SYNE1: variants seen among roughly 807,000 people sequenced by gnomAD.
SYNE1 encodes the protein nesprin-1.
Under a neutral mutation model 1,111.0 loss-of-function variants are expected in SYNE1, and 616 were observed. The observed-to-expected ratio is 0.55, with a 90% CI of 0.52 to 0.59. The LOEUF (loss-of-function observed/expected upper bound fraction) is 0.59. SYNE1 is among the 20% of genes least tolerant of loss of function. The probability of loss-of-function intolerance (pLI) is 0.00; values close to 1 mark genes in which losing one functional copy is unlikely to be tolerated. For synonymous variants in SYNE1, 3,855 were observed against 3,825.8 expected (o/e 1.01, Z -0.28); for missense variants, 10,006 against 10,417.0 (o/e 0.96, Z 1.72).
At chr6:152,140,811 A>T (rs1771779903) in intron 139 of SYNE1, among the ~76,000 whole-genome samples, 1 of 152,126 alleles carries the variant, frequency 6.6e-6, no homozygotes, top group Non-Finnish European at 1.5e-5. Context: ...AGGCGGGTGG[A>T]TCACGAGGTC....
intron 25 of SYNE1, among the ~76,000 whole-genome samples, chr6:152,451,816 T>C (rs1235619430): frequency 6.6e-6 from 1 of 152,030 alleles, no homozygotes; most frequent in Non-Finnish European, 1.5e-5. Context: ...ATTTTACAGA[T>C]TACATCATTA....
At position 152,148,023 on chromosome 6, in the gene SYNE1, A is replaced by G; in HGVS notation, c.24976+22T>C. The G allele has an allele frequency of 6.2e-7, 1 of 1,609,078 alleles. No individual in the cohort carries two copies. The highest frequency in any genetic ancestry group is 8.5e-7 in the Non-Finnish European group (1 of 1,176,476). On this transcript the variant is annotated intron_variant, in intron 137 of 145. Coordinates refer to ENST00000367255, the MANE Select transcript of SYNE1 (RefSeq NM_182961.4). The surrounding 1 kb of genome is among the most constrained non-coding windows in gnomAD (Gnocchi z 4.1). ...CCTCTGACTTTCCTTTAAGCTGGCA[A>G]ACTGGAGAGGCTCTTTCCTACCTGA...
intron 101 of SYNE1, among the ~76,000 whole-genome samples, chr6:152,257,503 C>T (rs887615091): frequency 4.6e-5 from 7 of 152,084 alleles, no homozygotes; most frequent in African/African-American, 1.4e-4. Context: ...TGCACTCCAG[C>T]GTGGGCAAAA....
intron 103 of SYNE1, 89 bp downstream of exon 103, chr6:152,255,502 C>T: frequency 1.4e-6 from 2 of 1,439,174 alleles, no homozygotes; most frequent in Non-Finnish European, 2.0e-6. Flanking sequence ...TTATGTTTGA[C>T]TTTCTTTATG....
chr6:152,604,955 A>C, intron 3 of SYNE1, among the ~76,000 whole-genome samples: 1 of 15,202 alleles, frequency 6.6e-5, no homozygotes, highest in East Asian at 2.7e-3. Flanking sequence ...AAAGAAAGAA[A>C]GAAAGAAAGA....
intron 39 of SYNE1, among the ~76,000 whole-genome samples, chr6:152,420,824 T>A (rs982994813): frequency 6.6e-6 from 1 of 152,164 alleles, no homozygotes; most frequent in Non-Finnish European, 1.5e-5. Flanking sequence ...CTTTGAATTG[T>A]CTATAGCTTA....
Position 152,605,064 on chromosome 6 carries a change from G to GGGAA in SYNE1, c.67+23200_67+23201insTTCC, listed in dbSNP as rs2099610661. ...AGGGAGGGAGGGAGGGAGGGAGGGA[G>GGGAA]GGAGGGAGGAAAGAAGGAAGGAAGG... On this transcript the variant is annotated intron_variant, in intron 3 of 145. Transcript: ENST00000367255. Among the ~76,000 whole-genome samples, 8 of 67,380 alleles carry GGGAA rather than the reference G, an allele frequency of 1.2e-4. No homozygotes were observed. The South Asian group carries it at 2.2e-3, about 18-fold the overall frequency. 44.2% of individuals were successfully genotyped at this position (67,380 alleles called of 152,430 possible).
intron 4 of SYNE1, among the ~76,000 whole-genome samples, chr6:152,528,353 G>A (rs2178010): frequency 0.27 from 41,159 of 152,000 alleles, 6,458 homozygotes; most frequent in East Asian, 0.45. Context: ...AGCCAATAAA[G>A]AGACTTTATT....
intron 127 of SYNE1, among the ~76,000 whole-genome samples, chr6:152,199,160 CTCA>C (rs767559123): frequency 1.1e-4 from 16 of 151,860 alleles, no homozygotes; most frequent in Admixed American, 1.0e-3. Flanking sequence ...CTGCCATCTA[CTCA>C]TCATTTTATT....
chr6:152,508,711 G>A (rs766793937), intron 8 of SYNE1, among the ~76,000 whole-genome samples: 8 of 152,170 alleles, frequency 5.3e-5, no homozygotes, highest in Non-Finnish European at 1.0e-4. Context: ...CACTGTGGAT[G>A]CAATTAAACA....
chr6:152,410,533 G>A (rs1015895936), intron 42 of SYNE1: 5 of 152,158 alleles, frequency 3.3e-5, no homozygotes, highest in African/African-American at 1.2e-4. Context: ...CCAGGAGTTC[G>A]AGACCAGCCT....
chr6:152,436,130 G>A (rs2098471954), intron 32 of SYNE1, 29 bp from the exon 33 acceptor site: 1 of 1,610,732 alleles, frequency 6.2e-7, no homozygotes, highest in Non-Finnish European at 8.5e-7. Context: ...TCATTAGGTA[G>A]GCACTTTATA....
At chr6:152,324,113 G>C (rs1011318486) in intron 81 of SYNE1, among the ~76,000 whole-genome samples, 1 of 152,166 alleles carries the variant, frequency 6.6e-6, no homozygotes, top group South Asian at 2.1e-4. Flanking sequence ...GATGGAAAAA[G>C]CTGCCAGGCA....
chr6:152,219,104 C>A lies in SYNE1; in HGVS notation c.21943G>T (p.Asp7315Tyr). The A allele has an allele frequency of 6.2e-7, 1 of 1,614,082 alleles. No homozygotes were observed. The highest frequency in any genetic ancestry group is 8.5e-7 in the Non-Finnish European group (1 of 1,179,986). The change falls in exon 120 of 146, where the codon GAT becomes TAT. Residue 7315 changes from aspartate (D) to tyrosine (Y), a missense_variant. Physicochemically the swap from Asp to Tyr is radical, Grantham distance 160. Coordinates refer to ENST00000367255, the MANE Select transcript of SYNE1 (RefSeq NM_182961.4). ...TGAATAGCTGATGCTGCGGAAGCAT[C>A]CACTTGTTGCTTCAGTTGCTCTCCC... ...ELGEQLKQQV[D>Y]ASAASAIQSD...
intron 96 of SYNE1, 165 bp from the exon 97 acceptor site, chr6:152,282,145 T>C: frequency 1.5e-6 from 1 of 689,016 alleles, no homozygotes; most frequent in African/African-American, 1.8e-5. Context: ...CAATCAGAAT[T>C]TCTAGGGGTG....
At chr6:152,355,282 T>A (rs536534724) in intron 66 of SYNE1, among the ~76,000 whole-genome samples, 1 of 152,190 alleles carries the variant, frequency 6.6e-6, no homozygotes, top group Non-Finnish European at 1.5e-5. Flanking sequence ...TAAAGGGCTA[T>A]TGTTTAAAAG....
At chr6:152,215,114 T>TG in intron 121 of SYNE1, 54 bp from the exon 122 acceptor site, 1 of 1,598,680 alleles carries the variant, frequency 6.3e-7, no homozygotes, top group Non-Finnish European at 8.6e-7. Context: ...AAGTCAAAAC[T>TG]TTTTCAAAGT....
Position 152,148,708 on chromosome 6 carries a change from A to G in SYNE1, c.24643-330T>C, listed in dbSNP as rs1179791618. ...GAGTGGGAAAAAATTAAAAAGTCTTATAAATTATCCTACATAAGCCTCAGT... is the reference window on the plus strand; with the variant it reads ...GAGTGGGAAAAAATTAAAAAGTCTTGTAAATTATCCTACATAAGCCTCAGT... On this transcript the variant is annotated intron_variant, in intron 136 of 145. Transcript: ENST00000367255. The surrounding 1 kb of genome is among the most constrained non-coding windows in gnomAD (Gnocchi z 4.1). Among the ~76,000 whole-genome samples, 2 of 151,462 alleles carry G rather than the reference A, an allele frequency of 1.3e-5. No homozygotes were observed. The highest frequency in any genetic ancestry group is 2.9e-5 in the Non-Finnish European group (2 of 67,944).
intron 8 of SYNE1, among the ~76,000 whole-genome samples, chr6:152,506,124 A>T (rs561223714): frequency 6.6e-6 from 1 of 152,352 alleles, no homozygotes; most frequent in South Asian, 2.1e-4. Flanking sequence ...TGATTAACTC[A>T]AAGCCAGTTA....
Sources: allele counts gnomAD v4.1 joint callset (sites outside exome capture counted in the v4.1 genomes callset), GRCh38; gene constraint gnomAD v4.1.1; non-coding constraint Gnocchi (gnomAD v3.1); transcripts MANE v1.5; gene names NCBI Gene and HGNC (gene_info 2026-07-23, HGNC 2026-07-21).